BAG4: variants seen among roughly 807,000 people sequenced by gnomAD.
BAG4 encodes the protein BAG family molecular chaperone regulator 4.
A neutral mutation model predicts 52.1 loss-of-function variants in BAG4; 28 were observed. The ratio of observed to expected loss-of-function variants is 0.54; its 90% CI spans 0.40 to 0.74. The LOEUF (loss-of-function observed/expected upper bound fraction) is 0.74. Ranked by LOEUF, BAG4 falls within the 30% of genes least tolerant of loss-of-function variation. The pLI is 0.00. For missense variants in BAG4, 525 were observed against 572.0 expected (o/e 0.92, Z 0.84); for synonymous variants, 208 against 217.0 (o/e 0.96, Z 0.37).
At chr8:38,195,587 G>C (rs1428062870) in intron 2 of BAG4, among the ~76,000 whole-genome samples, 1 of 152,106 alleles carries the variant, frequency 6.6e-6, no homozygotes, top group Non-Finnish European at 1.5e-5. Context: ...CCTTGTGCCT[G>C]GCCTATAATA....
In BAG4 at chr8:38,192,776, G is replaced by A; in HGVS notation, c.359G>A (p.Arg120Lys). The change falls in exon 2 of 5, where the codon AGA becomes AAA. Residue 120 changes from arginine (R) to lysine (K), a missense_variant. Coordinates refer to ENST00000287322, the MANE Select transcript of BAG4 (RefSeq NM_004874.4). ...RAPYPSTYPV[R>K]PELQGQSLNS... is the part of the protein sequence containing the mutation. The stretch of plus-strand genomic sequence containing the variant: ...CCTTACCCAAGTACATATCCTGTAA[G>A]ACCAGAATTGCAAGGCCAGGTATGG... 6.2e-7 allele frequency: 1 copy of A among 1,608,214 alleles called. No individual in the cohort carries two copies.
intron 2 of BAG4, among the ~76,000 whole-genome samples, chr8:38,201,540 T>C (rs548097522): frequency 6.6e-6 from 1 of 152,106 alleles, no homozygotes; most frequent in Admixed American, 6.5e-5. Flanking sequence ...TGGGCTCAGG[T>C]GATCCTTCTA....
intron 1 of BAG4, among the ~76,000 whole-genome samples, chr8:38,185,710 A>G (rs1371281105): frequency 6.6e-6 from 1 of 152,060 alleles, no homozygotes; most frequent in Non-Finnish European, 1.5e-5. Context: ...GGTTTCAGGT[A>G]TGTGTCACCA....
intron 1 of BAG4, 146 bp downstream of exon 1, chr8:38,177,285 GT>G: frequency 8.9e-7 from 1 of 1,123,212 alleles, no homozygotes; most frequent in Non-Finnish European, 1.2e-6. Context: ...AAGATCAGAG[GT>G]TGGGGGGACA....
intron 1 of BAG4, among the ~76,000 whole-genome samples, chr8:38,181,086 A>T (rs1585649860): frequency 6.6e-6 from 1 of 151,566 alleles, no homozygotes; most frequent in South Asian, 2.1e-4. Context: ...GATTACAGGC[A>T]CCCGCCACCA....
chr8:38,208,307 C>CTTTTT (rs769667054), intron 3 of BAG4, among the ~76,000 whole-genome samples: 3 of 107,426 alleles, frequency 2.8e-5, no homozygotes, highest in Admixed American at 1.0e-4. Context: ...CTGTTAGGTT[C>CTTTTT]TTTTTTTTTT....
intron 1 of BAG4, among the ~76,000 whole-genome samples, chr8:38,178,930 T>C (rs1803216902): frequency 6.6e-6 from 1 of 151,936 alleles, no homozygotes; most frequent in Non-Finnish European, 1.5e-5. Flanking sequence ...AGTCCAGGAG[T>C]TCGAGACCAG....
intron 4 of BAG4, 57 bp downstream of exon 4, chr8:38,209,324 G>T: frequency 1.2e-6 from 2 of 1,603,678 alleles, no homozygotes; most frequent in Non-Finnish European, 1.7e-6. Context: ...AACATAACAT[G>T]GTTTATATAG....
At chr8:38,197,567 T>C (rs1404170839) in intron 2 of BAG4, among the ~76,000 whole-genome samples, 1 of 152,224 alleles carries the variant, frequency 6.6e-6, no homozygotes, top group African/African-American at 2.4e-5. Flanking sequence ...GGTGAGTGAA[T>C]GTGAAGGTCT....
At chr8:38,188,355 C>G in intron 1 of BAG4, among the ~76,000 whole-genome samples, 1 of 149,240 alleles carries the variant, frequency 6.7e-6, no homozygotes, top group Non-Finnish European at 1.5e-5. Context: ...AGGTGGCACA[C>G]TTAAGGTTTA....
rs1383561679 is a variant in BAG4, at chr8:38,212,113, C to G, written c.*1620C>G. ...AAGATAATATGGTGATAATTTTATT[C>G]TAGGATTTTATTTTTGGCCTAATAT... On this transcript the variant is annotated 3_prime_UTR_variant, in exon 5 of 5. Transcript: ENST00000287322. 1.3e-5 allele frequency: 2 copies of G among 151,990 alleles called. No individual in the cohort carries two copies. Among genetic ancestry groups the G allele is most frequent in the Non-Finnish European group, 2.9e-5 (2 of 67,976 alleles). 9.4% of individuals were successfully genotyped at this position (151,990 alleles called of 1,614,324 possible). A position where few individuals can be genotyped will look rare whatever the true frequency, so the allele number is the denominator to read the frequency against.
chr8:38,203,042 A>G (rs1803707686), intron 2 of BAG4: 1 of 152,138 alleles, frequency 6.6e-6, no homozygotes, highest in Non-Finnish European at 1.5e-5. Flanking sequence ...ATCTGTTTGG[A>G]AATAAACAGA....
At chr8:38,209,440 C>T in intron 4 of BAG4, 173 bp downstream of exon 4, 2 of 751,674 alleles carry the variant, frequency 2.7e-6, no homozygotes, top group African/African-American at 1.8e-5. Context: ...TTTTAATAGA[C>T]TTTATATTTA....
At position 38,210,443 on chromosome 8, in the gene BAG4, G is replaced by A. The variant is rs988634579; in HGVS notation, c.1324G>A (p.Val442Ile). The change falls in exon 5 of 5, where the codon GTT becomes ATT. Residue 442 changes from valine to isoleucine, a missense_variant. Physicochemically the swap from Val to Ile is conservative, Grantham distance 29 (BLOSUM62 3). This residue lies in a region of BAG4 where 238 missense variants were observed against 305.8 expected (regional missense o/e 0.78). Transcript: ENST00000287322. ...TGTACGGCAGGCCAGAAAAGAGGCT[G>A]TTTGTAAGATTCAGGCCATACTGGA... Reference protein sequence around the residue: ...DSVRQARKEAVCKIQAILEKL... With the variant: ...DSVRQARKEAICKIQAILEKL... 6.3e-7 allele frequency: 1 copy of A among 1,599,878 alleles called. No homozygotes were observed. Among genetic ancestry groups the A allele is most frequent in the African/African-American group, 1.4e-5 (1 of 73,836 alleles).
chr8:38,210,617 A>G lies in BAG4; in HGVS notation c.*124A>G. ...AGCAATACATTCCAGCTTTCCTTTGATTTTATACTTGAAAAACTGGCAAAG... is the reference window on the plus strand; with the variant it reads ...AGCAATACATTCCAGCTTTCCTTTGGTTTTATACTTGAAAAACTGGCAAAG... On this transcript the variant is annotated 3_prime_UTR_variant, in exon 5 of 5. Coordinates refer to ENST00000287322, the MANE Select transcript of BAG4 (RefSeq NM_004874.4). The G allele has an allele frequency of 7.9e-7, 1 of 1,271,682 alleles. No homozygotes were observed. Among genetic ancestry groups the G allele is most frequent in the Non-Finnish European group, 1.1e-6 (1 of 950,276 alleles). The allele number at this position is 1,271,682 out of a possible 1,614,324, so 78.8% of individuals were successfully genotyped here. A position where few individuals can be genotyped will look rare whatever the true frequency, so the allele number is the denominator to read the frequency against.
In BAG4 at chr8:38,210,563, T is replaced by C. The variant is rs1803851309; in HGVS notation, c.*70T>C. 6.7e-7 allele frequency: 1 copy of C among 1,489,866 alleles called. No individual in the cohort carries two copies. The highest frequency in any genetic ancestry group is 8.9e-7 in the Non-Finnish European group (1 of 1,118,026). The allele number at this position is 1,489,866 out of a possible 1,614,324, so 92.3% of individuals were successfully genotyped here. On this transcript the variant is annotated 3_prime_UTR_variant, in exon 5 of 5. Transcript: ENST00000287322. ...GAACACTTGATTTGGTTAATTACCC[T>C]CTTTTTGAAATGCCTGTTGATGACA...
chr8:38,179,191 G>C (rs1281360935), intron 1 of BAG4, among the ~76,000 whole-genome samples: 1 of 151,890 alleles, frequency 6.6e-6, no homozygotes, highest in Non-Finnish European at 1.5e-5. Flanking sequence ...ACACAGTCTT[G>C]CTCTGTCGCC....
intron 2 of BAG4, among the ~76,000 whole-genome samples, chr8:38,193,608 C>A (rs924445610): frequency 6.6e-6 from 1 of 151,892 alleles, no homozygotes; most frequent in African/African-American, 2.4e-5. Flanking sequence ...TTCTGTTGCC[C>A]AGGCTGGAGT....
chr8:38,201,837 TA>T (rs2130684801), intron 2 of BAG4: 2 of 8,834 alleles, frequency 2.3e-4, no homozygotes, highest in East Asian at 6.6e-3. Flanking sequence ...GTGGAATTTA[TA>T]TATATATATA....
Sources: allele counts gnomAD v4.1 joint callset (sites outside exome capture counted in the v4.1 genomes callset), GRCh38; gene constraint gnomAD v4.1.1; regional missense constraint gnomAD v4.1.1; transcripts MANE v1.5; gene names NCBI Gene and HGNC (gene_info 2026-07-23, HGNC 2026-07-21).